The following DTD1 variants were observed in gnomAD, a reference collection of about 807,000 sequenced individuals.
The protein encoded by DTD1 is D-aminoacyl-tRNA deacylase 1.
In DTD1, 13 loss-of-function variants were observed where a neutral mutation model predicts 25.6. That is an observed-to-expected ratio of 0.51 (90% CI 0.33 to 0.81). The LOEUF (loss-of-function observed/expected upper bound fraction) is 0.81, where lower values mean the gene tolerates loss of function less well. DTD1 is among the 30% of genes least tolerant of loss of function. DTD1 has a pLI of 0.02. For synonymous variants in DTD1, 110 were observed against 103.6 expected (o/e 1.06, Z -0.37); for missense variants, 193 against 266.4 (o/e 0.72, Z 1.92).
chr20:18,725,027 G>A (rs1156461977), intron 4 of DTD1, among the ~76,000 whole-genome samples: 7 of 152,386 alleles, frequency 4.6e-5, no homozygotes, highest in Middle Eastern at 3.4e-3. Flanking sequence ...TGAGCTGGAA[G>A]TAGAAGAAAA....
intron 4 of DTD1, among the ~76,000 whole-genome samples, chr20:18,661,274 A>T (rs4814771): frequency 0.83 from 126,636 of 152,202 alleles, 53,756 homozygotes; most frequent in Non-Finnish European, 0.93. Context: ...GCTGTCTGTG[A>T]CTACAAAAAA....
chr20:18,653,196 G>T (rs1434821488), intron 4 of DTD1, among the ~76,000 whole-genome samples: 1 of 152,192 alleles, frequency 6.6e-6, no homozygotes, highest in Non-Finnish European at 1.5e-5. Context: ...GAGCCCAGGA[G>T]TTTGAGAAGA....
chr20:18,657,785 A>G (rs143156871), intron 4 of DTD1, among the ~76,000 whole-genome samples: 24 of 152,338 alleles, frequency 1.6e-4, no homozygotes, highest in African/African-American at 5.8e-4. Flanking sequence ...GGCAGTTGGC[A>G]GGAGGTTCAG....
chr20:18,646,392 A>G (rs2060850534), intron 4 of DTD1, among the ~76,000 whole-genome samples: 1 of 152,124 alleles, frequency 6.6e-6, no homozygotes. Context: ...TCCTGAATCT[A>G]CCATTCACCC....
chr20:18,693,464 C>T (rs2061056583), intron 4 of DTD1, among the ~76,000 whole-genome samples: 1 of 151,834 alleles, frequency 6.6e-6, no homozygotes, highest in Admixed American at 6.6e-5. Context: ...CGAGGCCAAC[C>T]TGACCAACGT....
intron 1 of DTD1, chr20:18,589,030 G>A (rs760409241): frequency 1.7e-4 from 62 of 364,580 alleles, no homozygotes; most frequent in South Asian, 2.2e-4. Flanking sequence ...CCAAATATGC[G>A]TTCTTGTGTC....
At chr20:18,757,022 C>T (rs1221859718) in intron 5 of DTD1, among the ~76,000 whole-genome samples, 7 of 150,784 alleles carry the variant, frequency 4.6e-5, no homozygotes, top group Admixed American at 3.3e-4. Flanking sequence ...ATTTTATTCT[C>T]TTTGAAGCAA....
intron 4 of DTD1, among the ~76,000 whole-genome samples, chr20:18,728,504 G>A (rs975487099): frequency 6.6e-5 from 10 of 152,214 alleles, no homozygotes; most frequent in Non-Finnish European, 1.5e-4. Context: ...CTGGGAGTCT[G>A]CATTCTGACA....
intron 4 of DTD1, among the ~76,000 whole-genome samples, chr20:18,679,242 G>C (rs1465192876): frequency 1.3e-5 from 2 of 152,336 alleles, no homozygotes; most frequent in South Asian, 2.1e-4. Flanking sequence ...AATACTCGTG[G>C]TTAGTGCTGT....
chr20:18,650,226 C>T (rs1166806416), intron 4 of DTD1, among the ~76,000 whole-genome samples: 1 of 152,150 alleles, frequency 6.6e-6, no homozygotes. Context: ...AAGACCCTGT[C>T]TCAAAACAAA....
chr20:18,701,958 T>G (rs1265056636), intron 4 of DTD1, among the ~76,000 whole-genome samples: 2 of 152,242 alleles, frequency 1.3e-5, no homozygotes, highest in Non-Finnish European at 2.9e-5. Context: ...TGCTTAGAGC[T>G]AATATACAGT....
At chr20:18,720,065 G>A (rs1353034809) in intron 4 of DTD1, among the ~76,000 whole-genome samples, 2 of 152,194 alleles carry the variant, frequency 1.3e-5, no homozygotes, top group East Asian at 1.9e-4. Flanking sequence ...CTGTTTGGAT[G>A]TATTTCTTAC....
chr20:18,617,958 G>A (rs1310525390), intron 3 of DTD1, among the ~76,000 whole-genome samples: 1 of 152,052 alleles, frequency 6.6e-6, no homozygotes, highest in African/African-American at 2.4e-5. Context: ...CAGGACCATA[G>A]CCTGGCTTAT....
At chr20:18,705,357 C>G (rs1006116837) in intron 4 of DTD1, among the ~76,000 whole-genome samples, 14 of 152,154 alleles carry the variant, frequency 9.2e-5, no homozygotes, top group Non-Finnish European at 2.9e-5. Context: ...AATGTGCCCT[C>G]CAACACAAAA....
At chr20:18,698,570 C>T (rs116874909) in intron 4 of DTD1, 3 of 152,328 alleles carry the variant, frequency 2.0e-5, no homozygotes, top group Admixed American at 6.5e-5. Flanking sequence ...GTAGAATGAA[C>T]TTGTTAGCTG....
intron 4 of DTD1, among the ~76,000 whole-genome samples, chr20:18,646,261 G>A (rs2060850021): frequency 6.6e-6 from 1 of 152,206 alleles, no homozygotes. Context: ...CATCATGGAA[G>A]AATGTCCTCA....
intron 4 of DTD1, among the ~76,000 whole-genome samples, chr20:18,741,897 A>ATT (rs57912866): frequency 4.4e-4 from 39 of 88,714 alleles, no homozygotes; most frequent in African/African-American, 1.2e-3. Flanking sequence ...TAACCTTTGT[A>ATT]TTTTTTTTTT....
At chr20:18,645,510 G>A (rs2060846992) in intron 4 of DTD1, among the ~76,000 whole-genome samples, 2 of 152,160 alleles carry the variant, frequency 1.3e-5, no homozygotes, top group South Asian at 4.1e-4. Context: ...CTAAAATGAA[G>A]TCTCTGTGTG....
chr20:18,593,770 G>A lies in DTD1; in HGVS notation c.83G>A (p.Cys28Tyr). The change falls in exon 2 of 6, where the codon TGT (cysteine) becomes TAT (tyrosine). Residue 28 changes from cysteine (C) to tyrosine (Y), a missense_variant. Cys to Tyr is a radical substitution (Grantham distance 194). Coordinates refer to ENST00000377452, the MANE Select transcript of DTD1 (RefSeq NM_080820.6). ...EQISAIGRGI[C>Y]VLLGISLEDT... The stretch of plus-strand genomic sequence containing the variant: ...ATTAGTGCCATTGGAAGGGGCATAT[G>A]TGTGTTGCTGGGTATTTCCCTGGAG... 1 of 1,614,100 alleles carries A rather than the reference G, an allele frequency of 6.2e-7. No homozygotes were observed. Among genetic ancestry groups the A allele is most frequent in the Non-Finnish European group, 8.5e-7 (1 of 1,179,950 alleles).
Sources: allele counts gnomAD v4.1 joint callset (sites outside exome capture counted in the v4.1 genomes callset), GRCh38; gene constraint gnomAD v4.1.1; transcripts MANE v1.5; gene names NCBI Gene and HGNC (gene_info 2026-07-23, HGNC 2026-07-21).